Variants in CDH12 observed in about 807,000 individuals in gnomAD.
CDH12 encodes the protein cadherin-12.
A neutral mutation model predicts 74.1 loss-of-function variants in CDH12; 41 were observed. That is an observed-to-expected ratio of 0.55 (90% CI 0.43 to 0.72). The LOEUF (loss-of-function observed/expected upper bound fraction) is 0.72, where lower values mean the gene tolerates loss of function less well. Among genes scored for constraint, CDH12 ranks in the 30% least tolerant of loss-of-function variants. CDH12 has a pLI of 0.00. For synonymous variants in CDH12, 399 were observed against 355.0 expected (o/e 1.12, Z -1.39); for missense variants, 945 against 977.2 (o/e 0.97, Z 0.44).
intron 3 of CDH12, among the ~76,000 whole-genome samples, chr5:22,304,353 T>C (rs993121261): frequency 2.0e-5 from 3 of 152,170 alleles, no homozygotes; most frequent in Non-Finnish European, 4.4e-5. Flanking sequence ...AGGGGGTGTG[T>C]GTGCACGTAC....
intron 1 of CDH12, among the ~76,000 whole-genome samples, chr5:22,565,005 C>T (rs756474049): frequency 1.3e-5 from 2 of 152,050 alleles, no homozygotes; most frequent in African/African-American, 2.4e-5. Context: ...GGAGCAATCT[C>T]GGGTCACTGC....
rs550123318 is a variant in CDH12, at chr5:22,347,359, C to G, written c.-333+57898G>C. Among the ~76,000 whole-genome samples the G allele has an allele frequency of 2.6e-4, 40 of 152,276 alleles. No homozygotes were observed. In the South Asian group the frequency reaches 2.9e-3, roughly 11 times the overall value. Reference sequence around the variant, plus strand: ...CTAAGTCTCTGGCTTTCATCTTTCTCCTGTGCTGGAGGCTTCCTGCCCTTG... The same window carrying G: ...CTAAGTCTCTGGCTTTCATCTTTCTGCTGTGCTGGAGGCTTCCTGCCCTTG... On this transcript the variant is annotated intron_variant, in intron 3 of 14. Transcript: ENST00000382254.
intron 1 of CDH12, among the ~76,000 whole-genome samples, chr5:22,814,668 T>C (rs1244015913): frequency 6.6e-6 from 1 of 152,214 alleles, no homozygotes; most frequent in Admixed American, 6.5e-5. Context: ...AGTATAATTA[T>C]GTTCAGCCAT....
At chr5:22,764,681 G>A (rs992732260) in intron 1 of CDH12, among the ~76,000 whole-genome samples, 3 of 151,948 alleles carry the variant, frequency 2.0e-5, no homozygotes, top group Non-Finnish European at 4.4e-5. Context: ...GTGACAAACT[G>A]CCACCACATT....
chr5:22,523,981 A>ATTTTT (rs761099580), intron 1 of CDH12, among the ~76,000 whole-genome samples: 1 of 142,190 alleles, frequency 7.0e-6, no homozygotes, highest in Non-Finnish European at 1.5e-5. Flanking sequence ...TATTATTATT[A>ATTTTT]TTTTTTTTTT....
intron 1 of CDH12, among the ~76,000 whole-genome samples, chr5:22,850,873 G>A (rs1395291814): frequency 6.6e-6 from 1 of 152,056 alleles, no homozygotes; most frequent in African/African-American, 2.4e-5. Flanking sequence ...TGGCAAGACT[G>A]ATTTGATGTT....
intron 3 of CDH12, among the ~76,000 whole-genome samples, chr5:22,324,820 CTG>C (rs1324186680): frequency 6.6e-6 from 1 of 152,084 alleles, no homozygotes; most frequent in African/African-American, 2.4e-5. Context: ...AAATCTGAAA[CTG>C]AGGTTTCCAT....
intron 4 of CDH12, among the ~76,000 whole-genome samples, chr5:22,116,947 A>G (rs1260363967): frequency 3.6e-5 from 5 of 139,948 alleles, no homozygotes; most frequent in Admixed American, 2.2e-4. Flanking sequence ...GCTCTGATAC[A>G]TATTTTTTTT....
chr5:21,802,114 T>C (rs1036779001), intron 10 of CDH12, 53 bp downstream of exon 10: 5 of 1,527,130 alleles, frequency 3.3e-6, no homozygotes, highest in Middle Eastern at 4.4e-4. Context: ...GTTTTTGTTC[T>C]TGTTTTGTTT....
At chr5:22,142,359 A>G (rs1359180334) in intron 4 of CDH12, 3 of 437,142 alleles carry the variant, frequency 6.9e-6, no homozygotes, top group South Asian at 2.0e-5. Flanking sequence ...CTAGGGTAGT[A>G]GAACAATGGG....
chr5:22,052,465 A>G (rs981278086), intron 5 of CDH12, among the ~76,000 whole-genome samples: 1 of 152,100 alleles, frequency 6.6e-6, no homozygotes, highest in Non-Finnish European at 1.5e-5. Flanking sequence ...CTGCCACTTA[A>G]GCACTTGTGT....
rs17292235 is a variant in CDH12 at position 22,717,728 on chromosome 5, G to A, written c.-523+135330C>T. 1.6e-4 allele frequency among the ~76,000 whole-genome samples: 24 copies of A among 152,086 alleles called. No individual in the cohort carries two copies. The Middle Eastern group carries it at 0.01, about 65-fold the overall frequency. On this transcript the variant is annotated intron_variant, in intron 1 of 14. Coordinates refer to ENST00000382254, the MANE Select transcript of CDH12 (RefSeq NM_004061.5). ...GGTGTGTGTGTTTGAGGATGGGAGA[G>A]GTAAACTTCTATTTGTTCTAAGAAT...
chr5:22,737,215 A>C (rs1388702993), intron 1 of CDH12, among the ~76,000 whole-genome samples: 2 of 151,898 alleles, frequency 1.3e-5, no homozygotes, highest in African/African-American at 4.8e-5. Context: ...CTTTAATCTG[A>C]ATATAGGCAT....
intron 5 of CDH12, among the ~76,000 whole-genome samples, chr5:21,980,543 A>G (rs1757264983): frequency 6.6e-6 from 1 of 151,922 alleles, no homozygotes; most frequent in African/African-American, 2.4e-5. Flanking sequence ...TGTGCTCCAA[A>G]CTTCTTTTAT....
At chr5:22,073,815 C>T (rs369647306) in intron 5 of CDH12, among the ~76,000 whole-genome samples, 4 of 152,170 alleles carry the variant, frequency 2.6e-5, no homozygotes, top group African/African-American at 9.6e-5. Flanking sequence ...ACTCAGTTGC[C>T]TCTACAAATT....
At position 21,963,120 on chromosome 5, in the gene CDH12, T is replaced by G. The variant is rs868439089; in HGVS notation, c.526+11971A>C. Among the ~76,000 whole-genome samples the G allele has an allele frequency of 2.7e-5, 4 of 145,742 alleles. 1 individual carries two copies. The highest frequency in any genetic ancestry group is 2.7e-4 in the Admixed American group (4 of 14,770). On this transcript the variant is annotated intron_variant, in intron 6 of 14. Coordinates refer to ENST00000382254, the MANE Select transcript of CDH12 (RefSeq NM_004061.5). Reference sequence around the variant, plus strand: ...ATAGATAGATAGATAGATAGATAGATAGATAGAGAGATGATATAGATAGAG... The same window carrying G: ...ATAGATAGATAGATAGATAGATAGAGAGATAGAGAGATGATATAGATAGAG...
intron 5 of CDH12, among the ~76,000 whole-genome samples, chr5:21,989,567 C>T (rs1476595672): frequency 6.6e-6 from 1 of 152,010 alleles, no homozygotes; most frequent in Non-Finnish European, 1.5e-5. Context: ...TCACTCTGTA[C>T]CCCCCATTGC....
chr5:22,239,784 G>A (rs532571444), intron 3 of CDH12, among the ~76,000 whole-genome samples: 2 of 152,004 alleles, frequency 1.3e-5, no homozygotes, highest in Non-Finnish European at 2.9e-5. Flanking sequence ...ATTATTAGAG[G>A]GTGTTGAGCT....
intron 5 of CDH12, among the ~76,000 whole-genome samples, chr5:22,045,752 G>A (rs1044253771): frequency 2.0e-5 from 3 of 152,158 alleles, no homozygotes; most frequent in Admixed American, 1.3e-4. Context: ...TTTATCTCAT[G>A]GAGGCGAAAG....
Sources: allele counts gnomAD v4.1 joint callset (sites outside exome capture counted in the v4.1 genomes callset), GRCh38; gene constraint gnomAD v4.1.1; transcripts MANE v1.5; gene names NCBI Gene and HGNC (gene_info 2026-07-23, HGNC 2026-07-21).